LIPC: variants seen among roughly 807,000 people sequenced by gnomAD.
LIPC encodes lipase C, hepatic type.
In LIPC, 44 loss-of-function variants were observed where a neutral mutation model predicts 50.7. The observed-to-expected ratio is 0.87, with a 90% CI of 0.68 to 1.11. LIPC has a LOEUF of 1.11. LIPC is among the 50% of genes most tolerant of loss of function. The pLI is 0.00. For missense variants in LIPC, 697 were observed against 648.2 expected, an observed-to-expected ratio of 1.08 and a Z score of -0.82; for synonymous variants, 271 against 256.4, an observed-to-expected ratio of 1.06 and a Z score of -0.54.
chr15:58,448,757 T>C (rs1893792849), intron 1 of LIPC, among the ~76,000 whole-genome samples: 1 of 152,236 alleles, frequency 6.6e-6, no homozygotes, highest in Non-Finnish European at 1.5e-5. Flanking sequence ...GTCAGATGTC[T>C]GGCCCAACAT....
At position 58,564,454 on chromosome 15, in the gene LIPC, G is replaced by A. The variant is rs537055244; in HGVS notation, c.1388+731G>A. 3.4e-5 allele frequency among the ~76,000 whole-genome samples: 5 copies of A among 148,696 alleles called. No homozygotes were observed. The South Asian group carries it at 6.6e-4, about 20-fold the overall frequency. On this transcript the variant is annotated intron_variant, in intron 8 of 8. Coordinates refer to ENST00000299022, the MANE Select transcript of LIPC (RefSeq NM_000236.3). ...AAGAAAAGGAAGGACAGGGCTGGGC[G>A]TGGTGGCTCACACCTGTAATCCCAG... is the stretch of plus-strand genomic sequence containing the variant.
intron 1 of LIPC, among the ~76,000 whole-genome samples, chr15:58,456,855 C>G (rs1397616871): frequency 6.6e-5 from 10 of 152,226 alleles, no homozygotes; most frequent in Non-Finnish European, 1.5e-4. Context: ...TATACTTTAC[C>G]ATGCGTAGAA....
intron 1 of LIPC, among the ~76,000 whole-genome samples, chr15:58,517,285 T>G (rs1383645606): frequency 1.3e-5 from 2 of 152,256 alleles, no homozygotes; most frequent in African/African-American, 4.8e-5. Context: ...CCAGGGCTCT[T>G]GCCTCTCAGA....
At chr15:58,509,949 A>G (rs1892280916) in intron 1 of LIPC, among the ~76,000 whole-genome samples, 1 of 116,154 alleles carries the variant, frequency 8.6e-6, no homozygotes, top group African/African-American at 3.7e-5. Flanking sequence ...CATTGGATCT[A>G]TTGAATCATT....
intron 1 of LIPC, among the ~76,000 whole-genome samples, chr15:58,503,681 C>A (rs1892059516): frequency 6.6e-6 from 1 of 152,196 alleles, no homozygotes. Flanking sequence ...CCGGGGTGGC[C>A]CCAAAGGCAG....
intron 1 of LIPC, among the ~76,000 whole-genome samples, chr15:58,500,243 A>G (rs1482920100): frequency 1.3e-5 from 2 of 152,154 alleles, no homozygotes; most frequent in African/African-American, 2.4e-5. Flanking sequence ...TCATCCCCTG[A>G]GGCTCAGTTT....
In LIPC at chr15:58,567,214, A is replaced by AAG. The variant is rs1391248827; in HGVS notation, c.1389-1501_1389-1500insGA. On this transcript the variant is annotated intron_variant, in intron 8 of 8. Transcript: ENST00000299022. Reference sequence around the variant, plus strand: ...AGACTCCGTCTCAAAAAAAATAAAAAATATATATATATATATGTATATATG... The same window carrying AAG: ...AGACTCCGTCTCAAAAAAAATAAAAAAGATATATATATATATATGTATATATG... 8.8e-5 allele frequency among the ~76,000 whole-genome samples: 12 copies of AAG among 136,740 alleles called. 1 individual carries two copies. The highest frequency in any genetic ancestry group is 1.4e-4 in the African/African-American group (5 of 36,842). 89.7% of individuals were successfully genotyped at this position (136,740 alleles called of 152,430 possible).
intron 1 of LIPC, among the ~76,000 whole-genome samples, chr15:58,468,083 G>A (rs6494009): frequency 0.11 from 17,445 of 152,200 alleles, 1,221 homozygotes; most frequent in Non-Finnish European, 0.17. Flanking sequence ...TAAAAGCCCA[G>A]TGATTACTCA....
intron 1 of LIPC, among the ~76,000 whole-genome samples, chr15:58,501,501 A>G (rs1321796960): frequency 6.6e-6 from 1 of 152,184 alleles, no homozygotes; most frequent in Non-Finnish European, 1.5e-5. Context: ...CATCTGCGTC[A>G]GTGAACAAAG....
At chr15:58,546,582 G>A (rs543630621) in intron 5 of LIPC, among the ~76,000 whole-genome samples, 28 of 152,236 alleles carry the variant, frequency 1.8e-4, no homozygotes, top group African/African-American at 4.1e-4. Flanking sequence ...TCCTAAAACC[G>A]AAATATTAAC....
chr15:58,466,402 T>C (rs1646717045), intron 1 of LIPC, among the ~76,000 whole-genome samples: 1 of 152,230 alleles, frequency 6.6e-6, no homozygotes, highest in Admixed American at 6.5e-5. Context: ...TACAAAACAT[T>C]TTCTAAGTAG....
chr15:58,524,141 C>A (rs1004317933), intron 1 of LIPC, among the ~76,000 whole-genome samples: 1 of 152,130 alleles, frequency 6.6e-6, no homozygotes, highest in African/African-American at 2.4e-5. Flanking sequence ...CCTTACGCAG[C>A]TGAAAGCCAA....
At chr15:58,524,827 A>G (rs1892754705) in intron 1 of LIPC, among the ~76,000 whole-genome samples, 1 of 151,948 alleles carries the variant, frequency 6.6e-6, no homozygotes, top group African/African-American at 2.4e-5. Flanking sequence ...CCTTTGTGTT[A>G]TGAGTTGCAA....
chr15:58,503,180 A>C (rs1157894961), intron 1 of LIPC, among the ~76,000 whole-genome samples: 1 of 151,606 alleles, frequency 6.6e-6, no homozygotes, highest in Non-Finnish European at 1.5e-5. Context: ...AAAAAGGGGG[A>C]AACTGAGGTG....
At chr15:58,438,088 T>A (rs574701016) in intron 1 of LIPC, among the ~76,000 whole-genome samples, 1 of 152,082 alleles carries the variant, frequency 6.6e-6, no homozygotes, top group Non-Finnish European at 1.5e-5. Context: ...CCCGAAAACA[T>A]GAATCGCCAA....
chr15:58,442,916 G>C (rs746443609), intron 1 of LIPC, among the ~76,000 whole-genome samples: 6 of 152,108 alleles, frequency 3.9e-5, no homozygotes, highest in Admixed American at 3.3e-4. Flanking sequence ...TTTGGTTTGG[G>C]GGGTTGTTTT....
intron 1 of LIPC, among the ~76,000 whole-genome samples, chr15:58,447,534 A>G (rs1199605133): frequency 6.6e-6 from 1 of 152,198 alleles, no homozygotes; most frequent in Non-Finnish European, 1.5e-5. Flanking sequence ...GAAGAGGCGC[A>G]TGCATATCAT....
chr15:58,499,757 G>T (rs1381630886), intron 1 of LIPC, among the ~76,000 whole-genome samples: 1 of 152,204 alleles, frequency 6.6e-6, no homozygotes, highest in Non-Finnish European at 1.5e-5. Flanking sequence ...TGCTAAACAA[G>T]TTGGATTGTC....
At chr15:58,539,771 G>A (rs940728753) in intron 2 of LIPC, among the ~76,000 whole-genome samples, 1 of 152,056 alleles carries the variant, frequency 6.6e-6, no homozygotes, top group South Asian at 2.1e-4. Context: ...CACACCCCAT[G>A]CACCTGCCTT....
Sources: gnomAD v4.1 joint callset for allele counts (sites outside exome capture counted in the v4.1 genomes callset) on GRCh38, gnomAD v4.1.1 for gene constraint, MANE v1.5 for transcripts, NCBI Gene and HGNC (gene_info 2026-07-23, HGNC 2026-07-21) for gene names.